THRAP3: variants seen among roughly 807,000 people sequenced by gnomAD.
THRAP3 encodes thyroid hormone receptor associated protein 3, also known as thyroid hormone receptor-associated protein 3.
THRAP3 carries 16 observed loss-of-function variants against 101.0 expected under a neutral mutation model. That is an observed-to-expected ratio of 0.16 (90% CI 0.11 to 0.24). THRAP3 has a LOEUF of 0.24. Among genes scored for constraint, THRAP3 ranks in the 10% least tolerant of loss-of-function variants. The pLI is 1.00. For missense variants in THRAP3, 989 were observed against 1,202.7 expected, an observed-to-expected ratio of 0.82 and a Z score of 2.63; for synonymous variants, 407 against 422.6, an observed-to-expected ratio of 0.96 and a Z score of 0.45.
intron 2 of THRAP3, among the ~76,000 whole-genome samples, chr1:36,281,310 G>A (rs1645728724): frequency 6.6e-6 from 1 of 152,154 alleles, no homozygotes; most frequent in African/African-American, 2.4e-5. Flanking sequence ...TCTTCTCTTG[G>A]AACTAGGAAA....
chr1:36,263,826 A>G (rs1486387079), intron 2 of THRAP3, among the ~76,000 whole-genome samples: 1 of 152,228 alleles, frequency 6.6e-6, no homozygotes, highest in East Asian at 1.9e-4. Flanking sequence ...AAAAGTTCTA[A>G]GTGAACTTTT....
intron 4 of THRAP3, chr1:36,288,824 G>T (rs1240540373): frequency 1.0e-6 from 1 of 985,238 alleles, no homozygotes; most frequent in Non-Finnish European, 1.2e-6. Context: ...GGTTGCTTTT[G>T]TAAGACACAA....
intron 2 of THRAP3, among the ~76,000 whole-genome samples, chr1:36,277,427 T>G (rs751638537): frequency 6.6e-6 from 1 of 152,080 alleles, no homozygotes; most frequent in Non-Finnish European, 1.5e-5. Flanking sequence ...CTCGAACTCC[T>G]GACCTCAGGT....
chr1:36,281,781 A>T (rs1196191318), intron 2 of THRAP3, among the ~76,000 whole-genome samples: 6 of 151,928 alleles, frequency 3.9e-5, no homozygotes, highest in Admixed American at 3.9e-4. Context: ...AAAAGTTTTT[A>T]CTTTGTAGGC....
At chr1:36,301,361 A>G (rs372032277) in intron 10 of THRAP3, among the ~76,000 whole-genome samples, 192 bp from the exon 11 acceptor site, 1 of 152,196 alleles carries the variant, frequency 6.6e-6, no homozygotes, top group South Asian at 2.1e-4. Context: ...CCCTTGGGGC[A>G]GGTTTGTCCT....
At chr1:36,221,809 CT>C (rs74850064), upstream of THRAP3, among the ~76,000 whole-genome samples, 1,157 of 139,868 alleles carry the variant, frequency 8.3e-3, 10 homozygotes, top group African/African-American at 0.019. Context: ...TGGTCTTGAA[CT>C]TTTTTTTTTT....
rs1411477198 is a variant in THRAP3 at position 36,305,255 on chromosome 1, G to T, written c.*1238G>T. 1 of 209,090 alleles carries T rather than the reference G, an allele frequency of 4.8e-6. No homozygotes were observed. The highest frequency in any genetic ancestry group is 9.7e-6 in the Non-Finnish European group (1 of 102,832). 13.0% of individuals were successfully genotyped at this position (209,090 alleles called of 1,614,324 possible). A position where few individuals can be genotyped will look rare whatever the true frequency, so the allele number is the denominator to read the frequency against. On this transcript the variant is annotated 3_prime_UTR_variant, in exon 12 of 12. Coordinates refer to ENST00000354618, the MANE Select transcript of THRAP3 (RefSeq NM_005119.4). ...TTTGCTACATTTCTATAGTTAAGTTGGTTTTACTTGAATGATTCATGTTTA... is the reference window on the plus strand; with the variant it reads ...TTTGCTACATTTCTATAGTTAAGTTTGTTTTACTTGAATGATTCATGTTTA...
the THRAP3 span, among the ~76,000 whole-genome samples, chr1:36,210,195 T>C: frequency 6.6e-6 from 1 of 151,234 alleles, no homozygotes; most frequent in African/African-American, 2.4e-5. Flanking sequence ...TGAAATCCCG[T>C]CTGTACTAAA....
intron 1 of THRAP3, among the ~76,000 whole-genome samples, chr1:36,243,803 C>G (rs1570250604): frequency 5.8e-5 from 8 of 138,076 alleles, no homozygotes; most frequent in Admixed American, 2.1e-4. Context: ...ACCTCCCGGA[C>G]GGGCGGCTGG....
chr1:36,227,729 TG>T (rs145356805), intron 1 of THRAP3, among the ~76,000 whole-genome samples: 2,137 of 152,168 alleles, frequency 0.014, 30 homozygotes, highest in Non-Finnish European at 0.021. Flanking sequence ...AAAATAGAGA[TG>T]GAAGAGCAAG....
intron 5 of THRAP3, among the ~76,000 whole-genome samples, 190 bp from the exon 6 acceptor site, chr1:36,291,184 A>T (rs1475139389): frequency 6.6e-6 from 1 of 152,260 alleles, no homozygotes; most frequent in African/African-American, 2.4e-5. Flanking sequence ...GATTCCAGTA[A>T]GAAAGAGAAG....
intron 1 of THRAP3, among the ~76,000 whole-genome samples, chr1:36,226,232 C>T (rs565131815): frequency 6.6e-6 from 1 of 152,266 alleles, no homozygotes; most frequent in African/African-American, 2.4e-5. Flanking sequence ...ATGTTGATGA[C>T]TGGGAGGGTA....
chr1:36,275,009 C>T (rs1480738958), intron 2 of THRAP3, among the ~76,000 whole-genome samples: 2 of 149,974 alleles, frequency 1.3e-5, no homozygotes, highest in African/African-American at 2.4e-5. Context: ...CGCGGTGGCT[C>T]ACACCTGTAA....
At chr1:36,241,426 T>TATATATAC (rs1645159210) in intron 1 of THRAP3, among the ~76,000 whole-genome samples, 1 of 130,984 alleles carries the variant, frequency 7.6e-6, no homozygotes, top group African/African-American at 3.1e-5. Context: ...TATATATATA[T>TATATATAC]ATACACATAT....
intron 1 of THRAP3, among the ~76,000 whole-genome samples, chr1:36,250,755 T>C (rs1471921752): frequency 1.3e-5 from 2 of 150,572 alleles, no homozygotes; most frequent in African/African-American, 4.9e-5. Flanking sequence ...GTACTAAAAA[T>C]ACAGAAAATT....
intron 2 of THRAP3, among the ~76,000 whole-genome samples, chr1:36,273,870 A>G (rs1645620532): frequency 6.6e-6 from 1 of 151,980 alleles, no homozygotes; most frequent in Admixed American, 6.6e-5. Context: ...GCGAAACCCC[A>G]TCTCTATTAA....
rs1363442050 is a variant in THRAP3, at chr1:36,275,606, T to G, written c.-31-6927T>G. Among the ~76,000 whole-genome samples the G allele has an allele frequency of 2.7e-4, 16 of 58,190 alleles. 2 individuals carry two copies. The highest frequency in any genetic ancestry group is 6.4e-4 in the South Asian group (1 of 1,560). The allele number at this position is 58,190 out of a possible 152,430, so 38.2% of individuals were successfully genotyped here. On this transcript the variant is annotated intron_variant, in intron 2 of 11. Coordinates refer to ENST00000354618, the MANE Select transcript of THRAP3 (RefSeq NM_005119.4). ...TGTCTCAAAAAAAAAAAAAAAAAAG[T>G]CTTCTTTTTTTTTTTTCTTTTGAGA...
chr1:36,248,377 G>A (rs1380492931), intron 1 of THRAP3, among the ~76,000 whole-genome samples: 1 of 151,184 alleles, frequency 6.6e-6, no homozygotes, highest in Non-Finnish European at 1.5e-5. Context: ...CTAGCCTCAA[G>A]TGATCCTTCT....
At chr1:36,292,244 C>T (rs1570339779) in intron 6 of THRAP3, among the ~76,000 whole-genome samples, 1 of 109,258 alleles carries the variant, frequency 9.2e-6, no homozygotes, top group African/African-American at 3.2e-5. Flanking sequence ...CCTTTGGTAA[C>T]ATAATGTGTT....
Sources: allele counts gnomAD v4.1 joint callset (sites outside exome capture counted in the v4.1 genomes callset), GRCh38; gene constraint gnomAD v4.1.1; transcripts MANE v1.5; gene names NCBI Gene and HGNC (gene_info 2026-07-23, HGNC 2026-07-21).